PTPRG: variants seen among roughly 807,000 people sequenced by gnomAD.
The protein encoded by PTPRG is protein tyrosine phosphatase receptor type G.
PTPRG carries 102 observed loss-of-function variants against 165.3 expected under a neutral mutation model. That is an observed-to-expected ratio of 0.62 (90% CI 0.53 to 0.73). PTPRG has a LOEUF of 0.73. PTPRG is among the 30% of genes least tolerant of loss of function. The pLI is 0.00. For synonymous variants in PTPRG, 675 were observed against 669.5 expected (o/e 1.01, Z -0.13); for missense variants, 1,866 against 1,861.4 (o/e 1.00, Z -0.05).
intron 2 of PTPRG, among the ~76,000 whole-genome samples, chr3:61,823,575 A>G (rs934461406): frequency 6.9e-6 from 1 of 144,918 alleles, no homozygotes; most frequent in Non-Finnish European, 1.5e-5. Context: ...GGGTGTAACA[A>G]ATTTATGCAT....
chr3:61,667,579 C>T (rs1471392610), intron 1 of PTPRG, among the ~76,000 whole-genome samples: 1 of 152,120 alleles, frequency 6.6e-6, no homozygotes, highest in East Asian at 1.9e-4. Context: ...TTAGGCCTGA[C>T]TCATGCTCGG....
chr3:61,649,820 T>G (rs1279301954), intron 1 of PTPRG, among the ~76,000 whole-genome samples: 1 of 152,242 alleles, frequency 6.6e-6, no homozygotes, highest in Non-Finnish European at 1.5e-5. Context: ...CTCAAGATCA[T>G]GTGGCTGATG....
intron 2 of PTPRG, among the ~76,000 whole-genome samples, chr3:61,807,193 C>G (rs1034498256): frequency 1.3e-5 from 2 of 151,736 alleles, no homozygotes; most frequent in African/African-American, 4.8e-5. Context: ...AGAGGGCATT[C>G]TACCATTGGT....
At chr3:62,061,071 G>T (rs1238595153) in intron 4 of PTPRG, among the ~76,000 whole-genome samples, 1 of 152,154 alleles carries the variant, frequency 6.6e-6, no homozygotes, top group African/African-American at 2.4e-5. Context: ...AATCTCCCTT[G>T]TAACATTTGT....
At chr3:61,591,658 G>C (rs1024741762) in intron 1 of PTPRG, among the ~76,000 whole-genome samples, 1 of 152,160 alleles carries the variant, frequency 6.6e-6, no homozygotes. Flanking sequence ...GAACTAGAGA[G>C]AATCCTGTAG....
chr3:61,808,454 T>C (rs1428007297), intron 2 of PTPRG, among the ~76,000 whole-genome samples: 1 of 152,072 alleles, frequency 6.6e-6, no homozygotes, highest in African/African-American at 2.4e-5. Context: ...AAATCATATG[T>C]AGGTGGGCTC....
intron 2 of PTPRG, among the ~76,000 whole-genome samples, chr3:61,865,340 G>A (rs150764772): frequency 1.2e-4 from 19 of 152,256 alleles, no homozygotes; most frequent in South Asian, 6.2e-4. Context: ...TTGTTTGAGC[G>A]TCTCATTTAA....
intron 4 of PTPRG, among the ~76,000 whole-genome samples, chr3:62,048,588 A>T (rs537931398): frequency 6.6e-6 from 1 of 152,220 alleles, no homozygotes; most frequent in Non-Finnish European, 1.5e-5. Flanking sequence ...ATATAAACTT[A>T]TCTCTTCTTA....
In PTPRG at chr3:61,563,801, C is replaced by T. The variant is rs114413498; in HGVS notation, c.85+1429C>T. ...GAGCAGGGCGCGCGGGAGCCCTCGT[C>T]GCCCTTGGGGATCCCCTCGGGGGAC... is the stretch of plus-strand genomic sequence containing the variant. On this transcript the variant is annotated intron_variant, in intron 1 of 29. Transcript: ENST00000474889. Among the ~76,000 whole-genome samples the T allele has an allele frequency of 9.0e-3, 897 of 99,820 alleles. 15 individuals carry two copies. The highest frequency in any genetic ancestry group is 0.027 in the African/African-American group (852 of 31,950). 65.5% of individuals were successfully genotyped at this position (99,820 alleles called of 152,430 possible). A position where few individuals can be genotyped will look rare whatever the true frequency, so the allele number is the denominator to read the frequency against.
At chr3:61,845,037 C>T (rs148610692) in intron 2 of PTPRG, among the ~76,000 whole-genome samples, 189 of 152,276 alleles carry the variant, frequency 1.2e-3, no homozygotes, top group African/African-American at 4.0e-3. Flanking sequence ...TCAGTTCTTA[C>T]GTGGTTGTTT....
chr3:61,646,092 C>T (rs766231466), intron 1 of PTPRG, among the ~76,000 whole-genome samples: 17 of 152,046 alleles, frequency 1.1e-4, no homozygotes, highest in Non-Finnish European at 1.9e-4. Context: ...GTTTTTGATT[C>T]TCTGCAGTAG....
At chr3:61,909,766 C>G (rs2038755066) in intron 2 of PTPRG, among the ~76,000 whole-genome samples, 1 of 152,154 alleles carries the variant, frequency 6.6e-6, no homozygotes, top group Non-Finnish European at 1.5e-5. Flanking sequence ...AACTACAATA[C>G]ATGAGGTTTG....
chr3:62,276,003 A>C (rs772541431), intron 24 of PTPRG, 37 bp downstream of exon 24: 1 of 1,475,788 alleles, frequency 6.8e-7, no homozygotes. Context: ...GATCTTTTAT[A>C]CTGGATTGTA....
At chr3:61,826,643 C>T (rs2036121848) in intron 2 of PTPRG, among the ~76,000 whole-genome samples, 1 of 152,080 alleles carries the variant, frequency 6.6e-6, no homozygotes, top group African/African-American at 2.4e-5. Context: ...CAGCCTGGAG[C>T]TAAGTATGAT....
intron 4 of PTPRG, among the ~76,000 whole-genome samples, chr3:62,041,638 T>C (rs1276827627): frequency 1.3e-5 from 2 of 152,130 alleles, no homozygotes; most frequent in Non-Finnish European, 2.9e-5. Context: ...CATCTGATAT[T>C]GTGGGAGATT....
intron 2 of PTPRG, among the ~76,000 whole-genome samples, chr3:61,958,611 T>C (rs1037478243): frequency 6.6e-6 from 1 of 152,246 alleles, no homozygotes; most frequent in African/African-American, 2.4e-5. Flanking sequence ...TTTTTTCTTT[T>C]GTTGTGTTTC....
chr3:62,220,279 A>C (rs1700621112), intron 13 of PTPRG, among the ~76,000 whole-genome samples: 2 of 152,220 alleles, frequency 1.3e-5, no homozygotes, highest in Admixed American at 1.3e-4. Flanking sequence ...GAAGATGAGT[A>C]GGGTTTGGTA....
chr3:61,782,669 T>C (rs1195119139), intron 2 of PTPRG, among the ~76,000 whole-genome samples: 1 of 152,234 alleles, frequency 6.6e-6, no homozygotes, highest in Non-Finnish European at 1.5e-5. Flanking sequence ...AAGAGAAAAC[T>C]GAAGACGAAT....
At chr3:61,583,714 T>C (rs554624130) in intron 1 of PTPRG, among the ~76,000 whole-genome samples, 61 of 152,126 alleles carry the variant, frequency 4.0e-4, no homozygotes, top group Non-Finnish European at 7.5e-4. Flanking sequence ...CTCCCTAGAA[T>C]TGGCATCTTG....
Sources: allele counts gnomAD v4.1 joint callset (sites outside exome capture counted in the v4.1 genomes callset), GRCh38; gene constraint gnomAD v4.1.1; transcripts MANE v1.5; gene names NCBI Gene and HGNC (gene_info 2026-07-23, HGNC 2026-07-21).